The following HDAC4 variants were observed in gnomAD, a reference collection of about 807,000 sequenced individuals.
HDAC4 encodes the protein histone deacetylase 4.
In HDAC4, 16 loss-of-function variants were observed where a neutral mutation model predicts 135.1. The observed-to-expected ratio is 0.12, with a 90% CI of 0.08 to 0.18. HDAC4 has a LOEUF of 0.18. Ranked by LOEUF, HDAC4 falls within the 10% of genes least tolerant of loss-of-function variation. The pLI is 1.00. For missense variants in HDAC4, 1,143 were observed against 1,511.8 expected (o/e 0.76, Z 4.05); for synonymous variants, 685 against 653.4 (o/e 1.05, Z -0.74).
At chr2:239,346,130 A>AC (rs1256316393) in intron 2 of HDAC4, among the ~76,000 whole-genome samples, 21 of 149,400 alleles carry the variant, frequency 1.4e-4, no homozygotes, top group Admixed American at 1.2e-3. Flanking sequence ...AAACACACAC[A>AC]CCCCCATCTC....
rs975917632 is a variant in HDAC4 at position 239,240,055 on chromosome 2, T to C, written c.23-3391A>G. 6.6e-6 allele frequency among the ~76,000 whole-genome samples: 1 copy of C among 152,246 alleles called. No individual in the cohort carries two copies. The highest frequency in any genetic ancestry group is 1.5e-5 in the Non-Finnish European group (1 of 68,042). ...CCTGGACAGCATGACAGATGCCGCA[T>C]CCCTCATTATGAAAGGCTGGGGCTC... is the stretch of plus-strand genomic sequence containing the variant. On this transcript the variant is annotated intron_variant, in intron 2 of 26. Coordinates refer to ENST00000543185, the MANE Select transcript of HDAC4 (RefSeq NM_001378414.1). The surrounding 1 kb of genome is among the most constrained non-coding windows in gnomAD (Gnocchi z 4.5).
intron 2 of HDAC4, among the ~76,000 whole-genome samples, chr2:239,256,539 A>ACC (rs2049062137): frequency 1.3e-5 from 2 of 152,350 alleles, no homozygotes; most frequent in African/African-American, 4.8e-5. Flanking sequence ...CTCCTCTTTC[A>ACC]TAGAAGGTGT....
intron 5 of HDAC4, among the ~76,000 whole-genome samples, chr2:239,168,056 G>A (rs938512780): frequency 2.6e-5 from 4 of 152,228 alleles, no homozygotes; most frequent in African/African-American, 9.6e-5. Context: ...AGACGACAGA[G>A]CTGTGGCAGG....
chr2:239,090,844 A>G (rs1222606196), intron 17 of HDAC4, among the ~76,000 whole-genome samples: 1 of 152,218 alleles, frequency 6.6e-6, no homozygotes, highest in East Asian at 1.9e-4. Context: ...GGGATAGTCG[A>G]CCTGTCAAAT....
intron 3 of HDAC4, among the ~76,000 whole-genome samples, chr2:239,233,179 A>G (rs1180474672): frequency 1.3e-5 from 2 of 152,260 alleles, no homozygotes; most frequent in Non-Finnish European, 2.9e-5. Flanking sequence ...AATTTTTAAA[A>G]CATTTTAAAA....
At chr2:239,321,899 T>C (rs1259013657) in intron 2 of HDAC4, among the ~76,000 whole-genome samples, 4 of 152,178 alleles carry the variant, frequency 2.6e-5, no homozygotes, top group Non-Finnish European at 4.4e-5. Context: ...TCGTCCAGGT[T>C]CTTGACATGT....
At chr2:239,322,006 A>G (rs988737106) in intron 2 of HDAC4, among the ~76,000 whole-genome samples, 2 of 152,270 alleles carry the variant, frequency 1.3e-5, no homozygotes, top group Non-Finnish European at 2.9e-5. Flanking sequence ...TCCACAGAGC[A>G]GGAGCAAGCT....
intron 13 of HDAC4, among the ~76,000 whole-genome samples, chr2:239,114,036 C>T (rs1421736704): frequency 6.6e-6 from 1 of 152,198 alleles, no homozygotes; most frequent in Non-Finnish European, 1.5e-5. Context: ...GCACTGATCC[C>T]GTGTGTGGCA....
Position 239,134,422 on chromosome 2 carries a change from C to T in HDAC4, c.1117G>A (p.Ala373Thr), listed in dbSNP as rs115644432. 3.0e-5 allele frequency: 49 copies of T among 1,613,054 alleles called. No homozygotes were observed. The highest frequency in any genetic ancestry group is 1.6e-4 in the Middle Eastern group (1 of 6,078). The change falls in exon 11 of 27, where the codon GCC becomes ACC. Residue 373 changes from alanine to threonine, a missense_variant. Physicochemically the swap from Ala to Thr is moderately conservative, Grantham distance 58. This residue lies in a region of HDAC4 where 272 missense variants were observed against 309.7 expected (regional missense o/e 0.88). Coordinates refer to ENST00000543185, the MANE Select transcript of HDAC4 (RefSeq NM_001378414.1). ...PSAGTAGQQD[A>T]ERLTLPALQQ... ...AGGGCGGGAAGGGTGAGTCTCTCGG[C>T]GTCCTGCTGGCCCGCCGTGCCCTGG...
At position 239,175,091 on chromosome 2, in the gene HDAC4, C is replaced by T. The variant is rs568815481; in HGVS notation, c.490+1322G>A. ...TGTTACCTGAGGAAAATGTATACCT[C>T]GACTCCTTTTCAGTATTACCAGGGA... On this transcript the variant is annotated intron_variant, in intron 5 of 26. Transcript: ENST00000543185. Among the ~76,000 whole-genome samples, 4 of 152,304 alleles carry T rather than the reference C, an allele frequency of 2.6e-5. No homozygotes were observed. In the East Asian group the frequency reaches 5.8e-4, roughly 22 times the overall value.
intron 23 of HDAC4, chr2:239,067,102 G>A (rs1048092881): frequency 1.7e-6 from 1 of 574,646 alleles, no homozygotes; most frequent in Non-Finnish European, 3.1e-6. Context: ...CTGCTTTAGG[G>A]GACGAGGGCA....
chr2:239,307,210 C>A lies in HDAC4; in HGVS notation c.22+45468G>T, dbSNP rs1446041622. Among the ~76,000 whole-genome samples, 2 of 152,150 alleles carry A rather than the reference C, an allele frequency of 1.3e-5. No individual in the cohort carries two copies. Among genetic ancestry groups the A allele is most frequent in the Non-Finnish European group, 2.9e-5 (2 of 68,018 alleles). On this transcript the variant is annotated intron_variant, in intron 2 of 26. Transcript: ENST00000543185. The surrounding 1 kb of genome is among the most constrained non-coding windows in gnomAD (Gnocchi z 4.8). ...AGAGCCCTGGGCACAAAGCCCAGGG[C>A]CTGGGGCAGGCTCCGTGCCCCAATG...
intron 2 of HDAC4, among the ~76,000 whole-genome samples, chr2:239,265,191 G>A (rs564942415): frequency 2.4e-4 from 37 of 152,296 alleles, no homozygotes; most frequent in African/African-American, 8.9e-4. Context: ...GACAAGCAGG[G>A]CTCCCACATG....
rs755576189 is a variant in HDAC4 at position 239,115,330 on chromosome 2, C to T, written c.1534-20G>A. ...GATGATCTGCAAGGCGGAGGTAACA[C>T]ATGAAGCACAGAGAGCTGGGTCCTC... On this transcript the variant is annotated intron_variant, in intron 12 of 26. Coordinates refer to ENST00000543185, the MANE Select transcript of HDAC4 (RefSeq NM_001378414.1). The surrounding 1 kb of genome is among the most constrained non-coding windows in gnomAD (Gnocchi z 6.3). 1.9e-6 allele frequency: 3 copies of T among 1,612,912 alleles called. No homozygotes were observed. Among genetic ancestry groups the T allele is most frequent in the Non-Finnish European group, 2.5e-6 (3 of 1,179,924 alleles).
chr2:239,396,880 G>A (rs553340397), intron 1 of HDAC4, among the ~76,000 whole-genome samples: 2 of 152,324 alleles, frequency 1.3e-5, no homozygotes, highest in Admixed American at 1.3e-4. Flanking sequence ...AGCTGCTCCG[G>A]CTGAAGTGGA....
intron 2 of HDAC4, among the ~76,000 whole-genome samples, chr2:239,311,604 G>C (rs2052882357): frequency 6.6e-6 from 1 of 152,138 alleles, no homozygotes; most frequent in Non-Finnish European, 1.5e-5. Flanking sequence ...GAGGGGGAGA[G>C]GGACACTGTG....
intron 3 of HDAC4, among the ~76,000 whole-genome samples, chr2:239,191,416 C>T (rs141733640): frequency 1.8e-3 from 272 of 152,332 alleles, no homozygotes; most frequent in Middle Eastern, 3.4e-3. Context: ...TCAAAGCCAC[C>T]GATTTGGGTG....
chr2:239,128,552 A>G (rs1402366767), intron 11 of HDAC4, among the ~76,000 whole-genome samples: 5 of 152,070 alleles, frequency 3.3e-5, no homozygotes, highest in African/African-American at 1.2e-4. Context: ...AAAAGAAGGC[A>G]TTTCAGAATT....
intron 2 of HDAC4, among the ~76,000 whole-genome samples, chr2:239,304,608 AC>A (rs1214868381): frequency 6.6e-6 from 1 of 151,898 alleles, no homozygotes; most frequent in East Asian, 1.9e-4. Flanking sequence ...TGGTGAAAAA[AC>A]CTCACACACA....
Sources: gnomAD v4.1 joint callset for allele counts (sites outside exome capture counted in the v4.1 genomes callset) on GRCh38, gnomAD v4.1.1 for gene constraint, gnomAD v4.1.1 regional missense constraint, Gnocchi (gnomAD v3.1) non-coding constraint, MANE v1.5 for transcripts, NCBI Gene and HGNC (gene_info 2026-07-23, HGNC 2026-07-21) for gene names.